The following ZFAND3 variants were observed in gnomAD, a reference collection of about 807,000 sequenced individuals.
ZFAND3 encodes the protein AN1-type zinc finger protein 3.
A neutral mutation model predicts 29.6 loss-of-function variants in ZFAND3; 10 were observed. The ratio of observed to expected loss-of-function variants is 0.34; its 90% CI spans 0.21 to 0.57. The LOEUF is 0.57. Ranked by LOEUF, ZFAND3 falls within the 20% of genes least tolerant of loss-of-function variation. ZFAND3 has a pLI of 0.86. For synonymous variants in ZFAND3, 128 were observed against 112.6 expected, an observed-to-expected ratio of 1.14 and a Z score of -0.87; for missense variants, 230 against 304.5, an observed-to-expected ratio of 0.76 and a Z score of 1.82.
At chr6:37,990,438 A>G (rs1173587932) in intron 2 of ZFAND3, among the ~76,000 whole-genome samples, 1 of 152,210 alleles carries the variant, frequency 6.6e-6, no homozygotes, top group Non-Finnish European at 1.5e-5. Context: ...TGTATTTGAA[A>G]TAGCACATAA....
Position 37,834,854 on chromosome 6 carries a change from C to CAAA in ZFAND3, c.71+14847_71+14849dup, listed in dbSNP as rs35865620. 7.2e-3 allele frequency among the ~76,000 whole-genome samples: 1,024 copies of CAAA among 142,040 alleles called. 21 individuals are homozygous for CAAA. The highest frequency in any genetic ancestry group is 0.021 in the African/African-American group (756 of 36,176). The allele number at this position is 142,040 out of a possible 152,430, so 93.2% of individuals were successfully genotyped here. A position where few individuals can be genotyped will look rare whatever the true frequency, so the allele number is the denominator to read the frequency against. On this transcript the variant is annotated intron_variant, in intron 1 of 5. Coordinates refer to ENST00000287218, the MANE Select transcript of ZFAND3 (RefSeq NM_021943.3). Reference sequence around the variant, plus strand: ...TATATGTGTGTATGCATGTATGTTTCAAAAAAAAAAACTAGATACTACCAG... The same window carrying CAAA: ...TATATGTGTGTATGCATGTATGTTTCAAAAAAAAAAAAAACTAGATACTACCAG...
At chr6:37,840,383 G>A (rs1764050195) in intron 1 of ZFAND3, among the ~76,000 whole-genome samples, 1 of 152,196 alleles carries the variant, frequency 6.6e-6, no homozygotes, top group Non-Finnish European at 1.5e-5. Flanking sequence ...ACAGACATGC[G>A]CCACCGCGCC....
intron 1 of ZFAND3, among the ~76,000 whole-genome samples, chr6:37,883,165 G>A (rs1222902910): frequency 1.3e-5 from 2 of 152,218 alleles, no homozygotes; most frequent in South Asian, 2.1e-4. Flanking sequence ...TGAGGTTGCA[G>A]TGAACTATGA....
chr6:37,827,062 C>G (rs1763773646), intron 1 of ZFAND3, among the ~76,000 whole-genome samples: 1 of 152,148 alleles, frequency 6.6e-6, no homozygotes, highest in Admixed American at 6.6e-5. Flanking sequence ...CTCTCTAGAT[C>G]CCTTTTTTTC....
At chr6:37,867,093 G>A (rs1764603371) in intron 1 of ZFAND3, among the ~76,000 whole-genome samples, 1 of 152,200 alleles carries the variant, frequency 6.6e-6, no homozygotes, top group Non-Finnish European at 1.5e-5. Flanking sequence ...TGGCCTATAG[G>A]CGGTTGAGTG....
intron 1 of ZFAND3, among the ~76,000 whole-genome samples, chr6:37,844,004 A>G (rs969345493): frequency 4.0e-5 from 6 of 151,562 alleles, no homozygotes; most frequent in Non-Finnish European, 5.9e-5. Flanking sequence ...TGTCACCTCC[A>G]CCCCTTGGGC....
intron 5 of ZFAND3, among the ~76,000 whole-genome samples, chr6:38,120,762 G>C (rs1379637867): frequency 6.6e-6 from 1 of 152,092 alleles, no homozygotes. Flanking sequence ...TGCTCCCTTT[G>C]GGAACAGTAG....
chr6:38,053,903 A>G (rs55825770), intron 2 of ZFAND3, among the ~76,000 whole-genome samples: 10,360 of 152,082 alleles, frequency 0.068, 429 homozygotes, highest in Non-Finnish European at 0.087. Context: ...GAATGTTGAT[A>G]TCATCTGATG....
Position 37,854,083 on chromosome 6 carries a change from C to G in ZFAND3, c.71+34067C>G, listed in dbSNP as rs541343702. On this transcript the variant is annotated intron_variant, in intron 1 of 5. Transcript: ENST00000287218. Reference sequence around the variant, plus strand: ...TCTCCTGCCTCAGCCTCCCGAGTAGCTGGGATTATAGGCATGCACCACCAC... The same window carrying G: ...TCTCCTGCCTCAGCCTCCCGAGTAGGTGGGATTATAGGCATGCACCACCAC... 3.2e-3 allele frequency among the ~76,000 whole-genome samples: 481 copies of G among 152,244 alleles called. 3 individuals are homozygous for G. The highest frequency in any genetic ancestry group is 0.011 in the African/African-American group (448 of 41,532).
chr6:37,907,748 A>C (rs888945654), intron 1 of ZFAND3, among the ~76,000 whole-genome samples: 1 of 152,248 alleles, frequency 6.6e-6, no homozygotes, highest in Non-Finnish European at 1.5e-5. Context: ...TAAACCCCAC[A>C]GAAAGATTGA....
At chr6:38,133,293 C>G (rs890511608) in intron 5 of ZFAND3, among the ~76,000 whole-genome samples, 4 of 152,180 alleles carry the variant, frequency 2.6e-5, no homozygotes, top group Non-Finnish European at 5.9e-5. Flanking sequence ...ACTGCAGTGC[C>G]TGGCGTGCGG....
At chr6:37,879,529 A>G (rs1405523269) in intron 1 of ZFAND3, among the ~76,000 whole-genome samples, 1 of 152,176 alleles carries the variant, frequency 6.6e-6, no homozygotes, top group East Asian at 1.9e-4. Flanking sequence ...TGACAAATAT[A>G]TAGGTATATC....
rs78394845 is a variant in ZFAND3 at position 38,083,282 on chromosome 6, T to C, written c.361+825T>C. Among the ~76,000 whole-genome samples, 2,676 of 152,230 alleles carry C rather than the reference T, an allele frequency of 0.018. 251 individuals are homozygous for C. In the East Asian group the frequency reaches 0.28, roughly 16 times the overall value. On this transcript the variant is annotated intron_variant, in intron 4 of 5. Coordinates refer to ENST00000287218, the MANE Select transcript of ZFAND3 (RefSeq NM_021943.3). ...CTCATAATTTGATGCTAGGCCTCAG[T>C]CAGGCCCATGTTTGCATAGTTTCAA...
intron 1 of ZFAND3, among the ~76,000 whole-genome samples, chr6:37,903,674 ACG>A (rs1765358896): frequency 6.6e-6 from 1 of 152,250 alleles, no homozygotes; most frequent in Admixed American, 6.5e-5. Context: ...GTGGCAGAGC[ACG>A]CGCTCTAATA....
At chr6:37,955,577 C>T (rs1176902899) in intron 2 of ZFAND3, among the ~76,000 whole-genome samples, 1 of 152,160 alleles carries the variant, frequency 6.6e-6, no homozygotes, top group Non-Finnish European at 1.5e-5. Context: ...AATTTTTTGG[C>T]TGCAAGTGCC....
At chr6:37,954,198 T>C (rs1365536650) in intron 2 of ZFAND3, among the ~76,000 whole-genome samples, 1 of 150,536 alleles carries the variant, frequency 6.6e-6, no homozygotes, top group Admixed American at 6.7e-5. Flanking sequence ...GTGCCTGGTG[T>C]AATTTTCTCT....
chr6:38,134,859 A>C (rs991827952), intron 5 of ZFAND3, among the ~76,000 whole-genome samples: 1 of 152,202 alleles, frequency 6.6e-6, no homozygotes. Flanking sequence ...ATAAACTCTA[A>C]TGTTGGTGGA....
chr6:37,863,434 G>T (rs1045437511), intron 1 of ZFAND3, among the ~76,000 whole-genome samples: 2 of 152,116 alleles, frequency 1.3e-5, no homozygotes, highest in Non-Finnish European at 2.9e-5. Flanking sequence ...CAACCTACAG[G>T]TAGTTTAAAC....
intron 1 of ZFAND3, among the ~76,000 whole-genome samples, chr6:37,866,153 ATAG>A (rs1764587326): frequency 6.6e-6 from 1 of 152,100 alleles, no homozygotes; most frequent in South Asian, 2.1e-4. Context: ...TAACCTGGAG[ATAG>A]TAGGAGCTCT....
Sources: gnomAD v4.1 joint callset for allele counts (sites outside exome capture counted in the v4.1 genomes callset) on GRCh38, gnomAD v4.1.1 for gene constraint, MANE v1.5 for transcripts, NCBI Gene and HGNC (gene_info 2026-07-23, HGNC 2026-07-21) for gene names.